PPM1H: variants seen among roughly 807,000 people sequenced by gnomAD.
PPM1H encodes the protein protein phosphatase 1H.
Under a neutral mutation model 54.9 loss-of-function variants are expected in PPM1H, and 27 were observed. That is an observed-to-expected ratio of 0.49 (90% CI 0.36 to 0.68). The LOEUF (loss-of-function observed/expected upper bound fraction) is 0.68, where lower values mean the gene tolerates loss of function less well. Among genes scored for constraint, PPM1H ranks in the 30% least tolerant of loss-of-function variants. The pLI, the probability that PPM1H is intolerant of heterozygous loss-of-function variation, is 0.00. For missense variants in PPM1H, 596 were observed against 667.8 expected, an observed-to-expected ratio of 0.89 and a Z score of 1.19; for synonymous variants, 305 against 270.8, an observed-to-expected ratio of 1.13 and a Z score of -1.24.
chr12:62,864,775 T>G (rs1399504870), intron 1 of PPM1H, among the ~76,000 whole-genome samples: 2 of 152,178 alleles, frequency 1.3e-5, no homozygotes, highest in Non-Finnish European at 2.9e-5. Context: ...AGTAAAATGT[T>G]TTTATGAGAA....
intron 4 of PPM1H, among the ~76,000 whole-genome samples, chr12:62,750,312 T>C (rs1421060328): frequency 1.3e-5 from 2 of 152,258 alleles, no homozygotes; most frequent in Non-Finnish European, 2.9e-5. Flanking sequence ...TTGCAAATAC[T>C]AATCTACTTT....
chr12:62,661,943 T>C (rs2075886448), intron 9 of PPM1H, among the ~76,000 whole-genome samples: 2 of 151,058 alleles, frequency 1.3e-5, no homozygotes. Flanking sequence ...CATTCATTCA[T>C]CCATCTGATA....
At chr12:62,683,078 ATTATTATTT>A (rs1171219424) in intron 8 of PPM1H, among the ~76,000 whole-genome samples, 2 of 112,648 alleles carry the variant, frequency 1.8e-5, no homozygotes, top group African/African-American at 7.2e-5. Flanking sequence ...TATTATTATT[ATTATTATTT>A]TTGTAGAGAC....
intron 1 of PPM1H, among the ~76,000 whole-genome samples, chr12:62,920,915 A>T (rs73141711): frequency 0.019 from 2,806 of 151,196 alleles, 64 homozygotes; most frequent in African/African-American, 0.054. Flanking sequence ...TTATGTAATT[A>T]ATTAATTTAT....
intron 1 of PPM1H, among the ~76,000 whole-genome samples, chr12:62,916,028 C>T (rs1446035961): frequency 1.3e-5 from 2 of 152,174 alleles, no homozygotes; most frequent in African/African-American, 4.8e-5. Flanking sequence ...CCAGCCTGTG[C>T]CCATTTGCTG....
At chr12:62,654,977 A>C (rs917773273) in intron 9 of PPM1H, among the ~76,000 whole-genome samples, 1 of 152,130 alleles carries the variant, frequency 6.6e-6, no homozygotes, top group Non-Finnish European at 1.5e-5. Context: ...TCTCCAGTGC[A>C]TGTCTATCCC....
At chr12:62,697,379 A>G (rs1391195686) in intron 6 of PPM1H, among the ~76,000 whole-genome samples, 1 of 152,016 alleles carries the variant, frequency 6.6e-6, no homozygotes, top group African/African-American at 2.4e-5. Flanking sequence ...CGGCCTCCCA[A>G]AATGCTGGGA....
At chr12:62,900,986 G>T (rs562156482) in intron 1 of PPM1H, among the ~76,000 whole-genome samples, 1 of 151,628 alleles carries the variant, frequency 6.6e-6, no homozygotes. Flanking sequence ...TAAACTCTCT[G>T]GTCTTTCCCC....
At chr12:62,682,910 C>T (rs1490733109) in intron 8 of PPM1H, among the ~76,000 whole-genome samples, 1 of 151,896 alleles carries the variant, frequency 6.6e-6, no homozygotes, top group African/African-American at 2.4e-5. Context: ...CAGCCTCAAC[C>T]TTCCAGGCTC....
chr12:62,816,585 T>C (rs2076867935), intron 2 of PPM1H, among the ~76,000 whole-genome samples: 1 of 152,176 alleles, frequency 6.6e-6, no homozygotes, highest in South Asian at 2.1e-4. Flanking sequence ...GTCCAAAATC[T>C]GAAAAAATCT....
chr12:62,788,375 G>C, intron 3 of PPM1H, 37 bp from the exon 4 acceptor site: 1 of 1,300,022 alleles, frequency 7.7e-7, no homozygotes, highest in Non-Finnish European at 1.1e-6. Flanking sequence ...GGATTGTGCA[G>C]GATGTGTAGC....
chr12:62,666,080 C>A (rs2075916281), intron 9 of PPM1H, among the ~76,000 whole-genome samples: 1 of 149,382 alleles, frequency 6.7e-6, no homozygotes, highest in Non-Finnish European at 1.5e-5. Flanking sequence ...TGTTGGCTTT[C>A]TTTTGTTTGT....
intron 8 of PPM1H, among the ~76,000 whole-genome samples, chr12:62,674,390 T>C (rs1443159641): frequency 2.0e-5 from 3 of 152,222 alleles, no homozygotes; most frequent in African/African-American, 7.2e-5. Context: ...TTGTCCCCTC[T>C]ATTTCATGTG....
chr12:62,785,817 T>C (rs527554930), intron 4 of PPM1H, among the ~76,000 whole-genome samples: 1 of 151,470 alleles, frequency 6.6e-6, no homozygotes, highest in Non-Finnish European at 1.5e-5. Context: ...GGTGGCTCTT[T>C]TAAGGAGCCT....
chr12:62,729,935 T>C (rs144885076), intron 5 of PPM1H, among the ~76,000 whole-genome samples: 133 of 152,270 alleles, frequency 8.7e-4, no homozygotes, highest in Non-Finnish European at 1.3e-3. Context: ...CCTTAACTGA[T>C]GACATTTCAC....
chr12:62,871,416 T>C (rs1216336801), intron 1 of PPM1H, among the ~76,000 whole-genome samples: 1 of 151,986 alleles, frequency 6.6e-6, no homozygotes, highest in Non-Finnish European at 1.5e-5. Flanking sequence ...TGCTAATAAA[T>C]ACAGTGTTTC....
At chr12:62,649,200 GT>G (rs34573131) in intron 9 of PPM1H, among the ~76,000 whole-genome samples, 94,165 of 148,412 alleles carry the variant, frequency 0.63, 29,836 homozygotes, top group Middle Eastern at 0.75. Context: ...AAGTTTTTTG[GT>G]TTTTTTTTTT....
chr12:62,689,976 G>T lies in PPM1H; in HGVS notation c.1138-170C>A, dbSNP rs1345264940. On this transcript the variant is annotated intron_variant, in intron 7 of 9. Coordinates refer to ENST00000228705, the MANE Select transcript of PPM1H (RefSeq NM_020700.2). ...ACGTGGATAGCTCTTACCAAGAAAG[G>T]GCTCACCAAAATCACTTCTGTATTT... Among the ~76,000 whole-genome samples, 7 of 152,114 alleles carry T rather than the reference G, an allele frequency of 4.6e-5. No homozygotes were observed. The East Asian group carries it at 1.3e-3, about 29-fold the overall frequency.
intron 6 of PPM1H, among the ~76,000 whole-genome samples, chr12:62,717,172 C>A (rs1170094496): frequency 1.3e-5 from 2 of 152,084 alleles, no homozygotes; most frequent in East Asian, 1.9e-4. Context: ...GTTCTTCTGA[C>A]AAAGATGTAA....
Sources: allele counts gnomAD v4.1 joint callset (sites outside exome capture counted in the v4.1 genomes callset), GRCh38; gene constraint gnomAD v4.1.1; transcripts MANE v1.5; gene names NCBI Gene and HGNC (gene_info 2026-07-23, HGNC 2026-07-21).